The following PARVA variants were observed in gnomAD, a reference collection of about 807,000 sequenced individuals.
The protein encoded by PARVA is alpha-parvin.
Under a neutral mutation model 52.6 loss-of-function variants are expected in PARVA, and 25 were observed. The ratio of observed to expected loss-of-function variants is 0.48; its 90% CI spans 0.35 to 0.66. PARVA has a LOEUF of 0.66. PARVA is among the 30% of genes least tolerant of loss of function. PARVA has a pLI of 0.01. For synonymous variants in PARVA, 185 were observed against 179.1 expected, an observed-to-expected ratio of 1.03 and a Z score of -0.26; for missense variants, 373 against 450.9, an observed-to-expected ratio of 0.83 and a Z score of 1.56.
intron 4 of PARVA, among the ~76,000 whole-genome samples, chr11:12,486,516 A>G (rs1411519248): frequency 2.6e-5 from 4 of 152,030 alleles, no homozygotes; most frequent in Non-Finnish European, 5.9e-5. Context: ...GTGCACAACA[A>G]GAGCGAAACT....
At position 12,517,680 on chromosome 11, in the gene PARVA, T is replaced by G. The variant is rs530168252; in HGVS notation, c.938T>G (p.Phe313Cys). 6.2e-7 allele frequency: 1 copy of G among 1,604,522 alleles called. No individual in the cohort carries two copies. Among genetic ancestry groups the G allele is most frequent in the South Asian group, 1.1e-5 (1 of 88,812 alleles). Residue 313 changes from phenylalanine to cysteine, a missense_variant, in exon 11 of 13, where the codon TTC becomes TGC. Coordinates refer to ENST00000334956, the MANE Select transcript of PARVA (RefSeq NM_018222.5). ...GGCTACTTTGTGCCCCTGCACAGCT[T>G]CTTCCTGACCCCGGACAGCTTTGAA... ...LEGYFVPLHSFFLTPDSFEQK... is the reference protein window; with the variant it reads ...LEGYFVPLHSCFLTPDSFEQK...
chr11:12,456,178 T>G (rs1326898155), intron 1 of PARVA, among the ~76,000 whole-genome samples: 7 of 152,202 alleles, frequency 4.6e-5, no homozygotes, highest in African/African-American at 1.7e-4. Context: ...TATGCGTTGT[T>G]GGCATGTACT....
At chr11:12,508,113 A>AC (rs1564865829) in intron 6 of PARVA, among the ~76,000 whole-genome samples, 1 of 128,514 alleles carries the variant, frequency 7.8e-6, no homozygotes. Flanking sequence ...AAAAAAAAAA[A>AC]AAAAAAAAAC....
chr11:12,513,608 A>G, intron 9 of PARVA: 2 of 651,846 alleles, frequency 3.1e-6, no homozygotes, highest in Middle Eastern at 2.4e-4. Context: ...CAGCAATCTC[A>G]GCCTTCCCCA....
chr11:12,479,466 G>C (rs1177459372), intron 4 of PARVA: 1 of 152,158 alleles, frequency 6.6e-6, no homozygotes, highest in Non-Finnish European at 1.5e-5. Context: ...ATCATGCCCA[G>C]CTAATTTTTG....
rs775635145 is a variant in PARVA at position 12,433,740 on chromosome 11, G to A, written c.137-40005G>A. ...GAGTAAGAGCCCCGAAAAAGGCCCC[G>A]GCCTCTCTGGGTTTGGCATCTTTCT... On this transcript the variant is annotated intron_variant, in intron 1 of 12. Transcript: ENST00000334956. Among the ~76,000 whole-genome samples the A allele has an allele frequency of 5.0e-4, 76 of 152,256 alleles. No individual in the cohort carries two copies. In the Middle Eastern group the frequency reaches 0.014, roughly 27 times the overall value.
At chr11:12,383,402 G>A (rs944004340) in intron 1 of PARVA, among the ~76,000 whole-genome samples, 5 of 152,194 alleles carry the variant, frequency 3.3e-5, no homozygotes, top group African/African-American at 9.6e-5. Flanking sequence ...CATTCCTGTC[G>A]TTTACCCATT....
chr11:12,437,230 G>A (rs932718397), intron 1 of PARVA, among the ~76,000 whole-genome samples: 3 of 152,194 alleles, frequency 2.0e-5, no homozygotes, highest in Admixed American at 6.5e-5. Context: ...TCTCCTAGAA[G>A]AACAAGAAAG....
intron 1 of PARVA, among the ~76,000 whole-genome samples, chr11:12,391,501 GA>G (rs1323145805): frequency 1.3e-5 from 2 of 152,212 alleles, no homozygotes; most frequent in African/African-American, 4.8e-5. Context: ...GTGTGAAAAA[GA>G]AAAACAACAC....
intron 3 of PARVA, among the ~76,000 whole-genome samples, chr11:12,474,922 C>T (rs190807850): frequency 1.1e-3 from 170 of 150,662 alleles, no homozygotes; most frequent in African/African-American, 3.8e-3. Flanking sequence ...GCCATGACCA[C>T]GCCACTGCAC....
chr11:12,520,597 G>A (rs1458823058), intron 12 of PARVA, among the ~76,000 whole-genome samples: 5 of 152,180 alleles, frequency 3.3e-5, no homozygotes, highest in Admixed American at 6.5e-5. Context: ...CTTCATGACC[G>A]TTTAGTGCCT....
chr11:12,514,087 A>G (rs749535657), intron 10 of PARVA, 22 bp downstream of exon 10: 7 of 1,588,042 alleles, frequency 4.4e-6, no homozygotes, highest in Non-Finnish European at 6.1e-6. Flanking sequence ...ACCCCAGCAC[A>G]GGTAGAGGCA....
chr11:12,445,179 T>A (rs986639397), intron 1 of PARVA, among the ~76,000 whole-genome samples: 7 of 152,184 alleles, frequency 4.6e-5, no homozygotes, highest in African/African-American at 1.7e-4. Flanking sequence ...CACACTCCAA[T>A]TGATTAACAT....
chr11:12,402,194 A>G (rs901734970), intron 1 of PARVA, among the ~76,000 whole-genome samples: 2 of 152,186 alleles, frequency 1.3e-5, no homozygotes, highest in African/African-American at 4.8e-5. Flanking sequence ...GACTACCCTT[A>G]GATAAGAAGT....
intron 12 of PARVA, 137 bp downstream of exon 12, chr11:12,518,654 C>T (rs746399639): frequency 1.4e-6 from 1 of 699,944 alleles, no homozygotes; most frequent in South Asian, 1.7e-5. Flanking sequence ...TGCAGCTGCT[C>T]AGTCCCAGAG....
intron 10 of PARVA, among the ~76,000 whole-genome samples, chr11:12,516,749 C>G (rs1941572655): frequency 6.6e-6 from 1 of 152,208 alleles, no homozygotes. Context: ...TACAGGCCCT[C>G]TCTGCATATT....
Position 12,477,908 on chromosome 11 carries a change from C to T in PARVA, c.359C>T (p.Ala120Val). The T allele has an allele frequency of 6.2e-7, 1 of 1,610,870 alleles. No individual in the cohort carries two copies. Among genetic ancestry groups the T allele is most frequent in the Non-Finnish European group, 8.5e-7 (1 of 1,177,086 alleles). Residue 120 changes from alanine (A) to valine (V), a missense_variant, in exon 4 of 13, where the codon GCT becomes GTT. By Grantham distance (64) the Ala-to-Val change is moderately conservative. Coordinates refer to ENST00000334956, the MANE Select transcript of PARVA (RefSeq NM_018222.5). The part of the protein sequence containing the change: ...VGERIIVKDL[A>V]EDLYDGQVLQ... ...GAAAGAATCATTGTGAAAGACCTAGCTGAAGATTTGTATGATGGACAAGTC... is the reference window on the plus strand; with the variant it reads ...GAAAGAATCATTGTGAAAGACCTAGTTGAAGATTTGTATGATGGACAAGTC...
intron 8 of PARVA, 90 bp from the exon 9 acceptor site, chr11:12,513,209 C>A: frequency 1.9e-6 from 2 of 1,059,860 alleles, no homozygotes; most frequent in Non-Finnish European, 1.5e-6. Context: ...ACCTTGTGAC[C>A]TTGAGAGGCG....
chr11:12,524,990 G>A (rs528365141), intron 12 of PARVA, among the ~76,000 whole-genome samples: 1 of 152,316 alleles, frequency 6.6e-6, no homozygotes, highest in East Asian at 1.9e-4. Context: ...TTGAGCTGAG[G>A]TCTGCAGGAG....
Sources: gnomAD v4.1 joint callset for allele counts (sites outside exome capture counted in the v4.1 genomes callset) on GRCh38, gnomAD v4.1.1 for gene constraint, MANE v1.5 for transcripts, NCBI Gene and HGNC (gene_info 2026-07-23, HGNC 2026-07-21) for gene names.